DLG2: variants seen among roughly 807,000 people sequenced by gnomAD.
DLG2 encodes discs large MAGUK scaffold protein 2, also known as disks large homolog 2.
In DLG2, 45 loss-of-function variants were observed where a neutral mutation model predicts 132.5. That is an observed-to-expected ratio of 0.34 (90% CI 0.27 to 0.44). The LOEUF is 0.44. Among genes scored for constraint, DLG2 ranks in the 20% least tolerant of loss-of-function variants. DLG2 has a pLI of 1.00. For missense variants in DLG2, 1,045 were observed against 1,196.9 expected, an observed-to-expected ratio of 0.87 and a Z score of 1.87; for synonymous variants, 424 against 419.6, an observed-to-expected ratio of 1.01 and a Z score of -0.13.
intron 7 of DLG2, among the ~76,000 whole-genome samples, chr11:84,338,725 G>C (rs1157338819): frequency 1.3e-5 from 2 of 152,142 alleles, no homozygotes; most frequent in African/African-American, 4.8e-5. Context: ...AGAATCGCTT[G>C]AGTCCAGGAG....
At chr11:83,525,269 C>A (rs1047383100) in intron 21 of DLG2, among the ~76,000 whole-genome samples, 2 of 152,120 alleles carry the variant, frequency 1.3e-5, no homozygotes, top group Non-Finnish European at 2.9e-5. Context: ...TCAGAAAAGC[C>A]ACTAGCACAT....
At chr11:83,833,892 A>G in intron 16 of DLG2, 122 bp from the exon 17 acceptor site, 1 of 1,050,290 alleles carries the variant, frequency 9.5e-7, no homozygotes, top group East Asian at 2.6e-5. Flanking sequence ...TTCTCAAACT[A>G]AGATAACATT....
At chr11:84,990,402 T>C (rs566491766) in intron 6 of DLG2, among the ~76,000 whole-genome samples, 1 of 152,302 alleles carries the variant, frequency 6.6e-6, no homozygotes, top group African/African-American at 2.4e-5. Context: ...TAAAAGGGCT[T>C]AAGGGAGTCT....
intron 3 of DLG2, among the ~76,000 whole-genome samples, chr11:85,434,033 A>G (rs1479987149): frequency 6.6e-6 from 1 of 152,090 alleles, no homozygotes; most frequent in African/African-American, 2.4e-5. Flanking sequence ...TCAAAACCAA[A>G]CAATTACATG....
At chr11:84,494,982 C>G (rs1377833512) in intron 7 of DLG2, among the ~76,000 whole-genome samples, 2 of 152,072 alleles carry the variant, frequency 1.3e-5, no homozygotes, top group African/African-American at 2.4e-5. Context: ...GCTTCAAACA[C>G]CATGGGAAAT....
chr11:85,549,037 G>GA (rs780537340), intron 3 of DLG2, among the ~76,000 whole-genome samples: 1 of 150,992 alleles, frequency 6.6e-6, no homozygotes, highest in Non-Finnish European at 1.5e-5. Flanking sequence ...ACTGGGGTAT[G>GA]AAAAAAAAAC....
intron 6 of DLG2, among the ~76,000 whole-genome samples, chr11:84,537,211 A>G (rs1396325837): frequency 6.6e-6 from 1 of 152,070 alleles, no homozygotes; most frequent in Non-Finnish European, 1.5e-5. Context: ...AGTTCGAGCA[A>G]TTCTCCTGCC....
intron 6 of DLG2, among the ~76,000 whole-genome samples, chr11:84,748,111 G>A (rs184085495): frequency 1.3e-5 from 2 of 152,256 alleles, no homozygotes; most frequent in African/African-American, 4.8e-5. Context: ...CTGCTCTCAG[G>A]CTGTGCAGCT....
At chr11:84,919,850 T>C (rs899800168) in intron 6 of DLG2, among the ~76,000 whole-genome samples, 1 of 152,204 alleles carries the variant, frequency 6.6e-6, no homozygotes, top group African/African-American at 2.4e-5. Flanking sequence ...TCCTATAATA[T>C]AGACAATTTC....
In DLG2 at chr11:84,479,490, G is replaced by T. The variant is rs535144638; in HGVS notation, c.519+55080C>A. On this transcript the variant is annotated intron_variant, in intron 7 of 27. Coordinates refer to ENST00000376104, the MANE Select transcript of DLG2 (RefSeq NM_001142699.3). Reference sequence around the variant, plus strand: ...TATTCCTCTAATATATATTCTGAGGGCCTACCAAGGCCTAAAAATAAAACT... The same window carrying T: ...TATTCCTCTAATATATATTCTGAGGTCCTACCAAGGCCTAAAAATAAAACT... Among the ~76,000 whole-genome samples the T allele has an allele frequency of 1.4e-4, 21 of 151,914 alleles. No homozygotes were observed. The East Asian group carries it at 3.9e-3, about 28-fold the overall frequency.
chr11:83,577,985 A>C (rs987205928), intron 19 of DLG2, among the ~76,000 whole-genome samples: 4 of 138,434 alleles, frequency 2.9e-5, no homozygotes, highest in Non-Finnish European at 6.2e-5. Flanking sequence ...ATATAAATAA[A>C]TATATATAAT....
chr11:84,077,569 C>T (rs2096846210), intron 10 of DLG2, among the ~76,000 whole-genome samples: 2 of 152,154 alleles, frequency 1.3e-5, no homozygotes, highest in Admixed American at 6.5e-5. Context: ...CAACTATGTG[C>T]TATTTTTGCA....
chr11:84,590,076 A>C (rs1274928269), intron 6 of DLG2, among the ~76,000 whole-genome samples: 2 of 152,216 alleles, frequency 1.3e-5, no homozygotes, highest in African/African-American at 4.8e-5. Context: ...ATAACATGAC[A>C]TGTCAACTTG....
At chr11:84,773,515 A>C (rs1235433686) in intron 6 of DLG2, among the ~76,000 whole-genome samples, 1 of 152,144 alleles carries the variant, frequency 6.6e-6, no homozygotes, top group Non-Finnish European at 1.5e-5. Context: ...CAGATGCAAA[A>C]ATTCTCCACC....
chr11:84,329,001 G>A (rs1010666158), intron 7 of DLG2, among the ~76,000 whole-genome samples: 3 of 152,170 alleles, frequency 2.0e-5, no homozygotes, highest in African/African-American at 7.2e-5. Flanking sequence ...AATTCTTGCA[G>A]GGCAGAAAGA....
intron 9 of DLG2, among the ~76,000 whole-genome samples, chr11:84,137,959 G>A (rs530238060): frequency 6.6e-6 from 1 of 152,248 alleles, no homozygotes; most frequent in South Asian, 2.1e-4. Flanking sequence ...CCCCTTGTTA[G>A]CTGTTCAAAT....
chr11:83,501,948 A>G (rs190188166), intron 21 of DLG2, among the ~76,000 whole-genome samples: 5 of 152,330 alleles, frequency 3.3e-5, no homozygotes, highest in Admixed American at 1.3e-4. Flanking sequence ...TCTTCAGCTT[A>G]ACCCTGTAAG....
At chr11:84,703,857 G>GATATATATGTGTATATATATAT (rs1555174774) in intron 6 of DLG2, among the ~76,000 whole-genome samples, 98 of 102,684 alleles carry the variant, frequency 9.5e-4, no homozygotes, top group African/African-American at 3.7e-3. Context: ...ATGTAGTGAA[G>GATATATATGTGTATATATATAT]ATATATATAT....
intron 10 of DLG2, among the ~76,000 whole-genome samples, chr11:84,089,522 CGTT>C (rs1236605792): frequency 3.3e-5 from 5 of 152,130 alleles, no homozygotes; most frequent in African/African-American, 9.7e-5. Flanking sequence ...CAAAGGACAA[CGTT>C]GTTGTTTATA....
Sources: allele counts gnomAD v4.1 joint callset (sites outside exome capture counted in the v4.1 genomes callset), GRCh38; gene constraint gnomAD v4.1.1; transcripts MANE v1.5; gene names NCBI Gene and HGNC (gene_info 2026-07-23, HGNC 2026-07-21).